LIMCH1: variants seen among roughly 807,000 people sequenced by gnomAD.
LIMCH1 encodes the protein LIM and calponin homology domains-containing protein 1.
In LIMCH1, 113 loss-of-function variants were observed where a neutral mutation model predicts 176.5. The ratio of observed to expected loss-of-function variants is 0.64; its 90% CI spans 0.55 to 0.75. LIMCH1 has a LOEUF of 0.75. LIMCH1 is among the 30% of genes least tolerant of loss of function. LIMCH1 has a pLI of 0.00. For missense variants in LIMCH1, 1,674 were observed against 1,814.9 expected (o/e 0.92, Z 1.41); for synonymous variants, 619 against 645.9 (o/e 0.96, Z 0.63).
intron 21 of LIMCH1, among the ~76,000 whole-genome samples, chr4:41,670,195 T>G (rs1288854313): frequency 6.6e-6 from 1 of 152,210 alleles, no homozygotes; most frequent in Non-Finnish European, 1.5e-5. Context: ...ACAGCAGAGT[T>G]TAAGGATACA....
At chr4:41,515,541 T>C (rs1371084465) in intron 2 of LIMCH1, among the ~76,000 whole-genome samples, 1 of 152,234 alleles carries the variant, frequency 6.6e-6, no homozygotes, top group African/African-American at 2.4e-5. Context: ...CGGCCATTGA[T>C]GAAGTGTATA....
intron 30 of LIMCH1, 60 bp downstream of exon 30, chr4:41,689,695 C>A: frequency 1.8e-6 from 2 of 1,083,254 alleles, no homozygotes; most frequent in Non-Finnish European, 2.9e-6. Flanking sequence ...GGCATCGTTC[C>A]GTGCTGAAAA....
intron 2 of LIMCH1, among the ~76,000 whole-genome samples, chr4:41,599,699 C>A (rs2089578371): frequency 2.0e-5 from 3 of 152,190 alleles, no homozygotes; most frequent in African/African-American, 7.2e-5. Context: ...TCATATAAAA[C>A]ATTTTCCACT....
intron 1 of LIMCH1, among the ~76,000 whole-genome samples, chr4:41,484,790 A>G (rs1440800865): frequency 1.3e-5 from 2 of 152,216 alleles, no homozygotes; most frequent in Non-Finnish European, 2.9e-5. Context: ...ATCAGCCAAC[A>G]GAATCTCCTC....
At chr4:41,526,467 A>G (rs1374754094) in intron 3 of LIMCH1, among the ~76,000 whole-genome samples, 2 of 152,154 alleles carry the variant, frequency 1.3e-5, no homozygotes, top group Non-Finnish European at 2.9e-5. Flanking sequence ...CCTTGAGATC[A>G]ACATTTCCAC....
chr4:41,513,218 GAGA>G (rs1259559086), intron 2 of LIMCH1, among the ~76,000 whole-genome samples: 3 of 152,216 alleles, frequency 2.0e-5, no homozygotes, highest in Admixed American at 6.5e-5. Context: ...ATGGAAGAAT[GAGA>G]AGATGTTATT....
chr4:41,437,767 T>G (rs1410397411), intron 1 of LIMCH1, among the ~76,000 whole-genome samples: 1 of 152,278 alleles, frequency 6.6e-6, no homozygotes, highest in Non-Finnish European at 1.5e-5. Context: ...CTTCTTCTCC[T>G]GGGCATCTTC....
At chr4:41,625,475 C>G (rs1262275033) in intron 7 of LIMCH1, among the ~76,000 whole-genome samples, 1 of 152,162 alleles carries the variant, frequency 6.6e-6, no homozygotes, top group Non-Finnish European at 1.5e-5. Context: ...AAACTTGTAT[C>G]ATTATTTTTT....
intron 1 of LIMCH1, among the ~76,000 whole-genome samples, chr4:41,466,883 T>C (rs1280223396): frequency 2.0e-5 from 3 of 152,158 alleles, no homozygotes; most frequent in Non-Finnish European, 4.4e-5. Flanking sequence ...ACTCTTTTTG[T>C]CTTGTAAAAC....
intron 31 of LIMCH1, among the ~76,000 whole-genome samples, chr4:41,694,478 A>G (rs564719113): frequency 1.3e-5 from 2 of 152,324 alleles, no homozygotes; most frequent in South Asian, 4.1e-4. Context: ...ATAGGTGATG[A>G]TCATATAGTC....
chr4:41,516,712 GT>G (rs1374759199), intron 2 of LIMCH1, among the ~76,000 whole-genome samples: 1 of 152,170 alleles, frequency 6.6e-6, no homozygotes, highest in Non-Finnish European at 1.5e-5. Flanking sequence ...TAGTGTTAGT[GT>G]TTTAGTATTA....
At chr4:41,642,333 G>A (rs1257107536) in intron 14 of LIMCH1, among the ~76,000 whole-genome samples, 2 of 151,790 alleles carry the variant, frequency 1.3e-5, no homozygotes, top group Non-Finnish European at 2.9e-5. Context: ...TTTAAACTGT[G>A]AGAGGAAGAA....
At chr4:41,390,425 T>C (rs1025678748) in intron 1 of LIMCH1, among the ~76,000 whole-genome samples, 3 of 152,216 alleles carry the variant, frequency 2.0e-5, no homozygotes, top group Admixed American at 2.0e-4. Flanking sequence ...ACTTCTCATG[T>C]AGTGCGTAAG....
chr4:41,503,230 C>T (rs555336397), intron 2 of LIMCH1, among the ~76,000 whole-genome samples: 7 of 152,128 alleles, frequency 4.6e-5, no homozygotes, highest in African/African-American at 7.2e-5. Context: ...CCTTTATTGA[C>T]GTGAATTGGG....
At chr4:41,567,687 C>G (rs2082955187) in intron 1 of LIMCH1, among the ~76,000 whole-genome samples, 2 of 152,116 alleles carry the variant, frequency 1.3e-5, no homozygotes, top group African/African-American at 4.8e-5. Context: ...CCAGTATTAC[C>G]AATAAGTGCA....
At chr4:41,630,347 A>G (rs1273012756) in intron 9 of LIMCH1, among the ~76,000 whole-genome samples, 1 of 152,176 alleles carries the variant, frequency 6.6e-6, no homozygotes, top group Non-Finnish European at 1.5e-5. Context: ...ATGCAGCATG[A>G]GATGAATTTA....
At chr4:41,406,653 C>G (rs2058991660) in intron 1 of LIMCH1, among the ~76,000 whole-genome samples, 2 of 152,088 alleles carry the variant, frequency 1.3e-5, no homozygotes, top group Non-Finnish European at 1.5e-5. Flanking sequence ...TTCCCTGAAG[C>G]CTAGCTTGAA....
chr4:41,674,237 G>A (rs532592416), intron 22 of LIMCH1, among the ~76,000 whole-genome samples: 2 of 151,966 alleles, frequency 1.3e-5, no homozygotes, highest in African/African-American at 4.8e-5. Context: ...ACTTATTCCT[G>A]AGAGCACCGC....
intron 1 of LIMCH1, among the ~76,000 whole-genome samples, chr4:41,409,141 G>A (rs952311103): frequency 1.3e-5 from 2 of 152,074 alleles, no homozygotes; most frequent in Non-Finnish European, 2.9e-5. Context: ...GAAATTCTAC[G>A]ATATGACTTT....
Sources: gnomAD v4.1 joint callset for allele counts (sites outside exome capture counted in the v4.1 genomes callset) on GRCh38, gnomAD v4.1.1 for gene constraint, MANE v1.5 for transcripts, NCBI Gene and HGNC (gene_info 2026-07-23, HGNC 2026-07-21) for gene names.